GRIK2: variants seen among roughly 807,000 people sequenced by gnomAD.
The protein encoded by GRIK2 is glutamate receptor ionotropic, kainate 2.
In GRIK2, 32 loss-of-function variants were observed where a neutral mutation model predicts 100.3. The observed-to-expected ratio is 0.32, with a 90% confidence interval of 0.24 to 0.43. The LOEUF (loss-of-function observed/expected upper bound fraction) is 0.43, where lower values mean the gene tolerates loss of function less well. Ranked by LOEUF, GRIK2 falls within the 20% of genes least tolerant of loss-of-function variation. The pLI, the probability that GRIK2 is intolerant of heterozygous loss-of-function variation, is 1.00. For synonymous variants in GRIK2, 417 were observed against 389.4 expected (o/e 1.07, Z -0.83); for missense variants, 843 against 1,114.9 (o/e 0.76, Z 3.47).
At chr6:101,572,096 T>G (rs892411327) in intron 2 of GRIK2, among the ~76,000 whole-genome samples, 20 of 152,118 alleles carry the variant, frequency 1.3e-4, no homozygotes, top group Non-Finnish European at 2.5e-4. Flanking sequence ...TGTATCTTTT[T>G]TAATGATTTT....
intron 2 of GRIK2, among the ~76,000 whole-genome samples, chr6:101,592,260 A>C (rs1778684855): frequency 6.6e-6 from 1 of 151,910 alleles, no homozygotes; most frequent in Admixed American, 6.6e-5. Context: ...TGGAAAGCAG[A>C]CTATGAAGTG....
chr6:101,942,576 G>A (rs1441631331), intron 14 of GRIK2, among the ~76,000 whole-genome samples: 1 of 152,200 alleles, frequency 6.6e-6, no homozygotes, highest in Admixed American at 6.5e-5. Context: ...TTGGGAACTG[G>A]AGTACAGGTC....
At chr6:101,632,952 G>A (rs1259430202) in intron 4 of GRIK2, among the ~76,000 whole-genome samples, 1 of 152,118 alleles carries the variant, frequency 6.6e-6, no homozygotes, top group South Asian at 2.1e-4. Context: ...GTAAAATGCT[G>A]CAACTGGAGA....
At chr6:101,667,052 C>G (rs1042889792) in intron 4 of GRIK2, among the ~76,000 whole-genome samples, 6 of 152,082 alleles carry the variant, frequency 3.9e-5, no homozygotes. Context: ...TATATTTGTT[C>G]AGGAGAGAGT....
chr6:101,986,348 G>A (rs1794014805), intron 14 of GRIK2, among the ~76,000 whole-genome samples: 1 of 151,812 alleles, frequency 6.6e-6, no homozygotes, highest in South Asian at 2.1e-4. Context: ...ATGTGAGAGA[G>A]TTATACTTCA....
intron 14 of GRIK2, among the ~76,000 whole-genome samples, chr6:102,025,837 A>G (rs1769666935): frequency 6.6e-6 from 1 of 151,032 alleles, no homozygotes; most frequent in South Asian, 2.1e-4. Context: ...TTAGAATGAT[A>G]GATCAAATGA....
intron 14 of GRIK2, among the ~76,000 whole-genome samples, chr6:102,026,811 T>G (rs901349858): frequency 1.3e-5 from 2 of 151,286 alleles, no homozygotes; most frequent in African/African-American, 4.8e-5. Flanking sequence ...ACTGCCAGAA[T>G]TATCCCAAGG....
At chr6:101,776,814 A>G (rs778760232) in intron 7 of GRIK2, among the ~76,000 whole-genome samples, 19 of 152,040 alleles carry the variant, frequency 1.2e-4, no homozygotes, top group Non-Finnish European at 2.2e-4. Context: ...TTATATGTTA[A>G]TTTCCTCCAT....
intron 7 of GRIK2, among the ~76,000 whole-genome samples, chr6:101,698,589 T>A (rs1772661802): frequency 6.6e-6 from 1 of 152,062 alleles, no homozygotes; most frequent in African/African-American, 2.4e-5. Context: ...ACCAAATCGA[T>A]CCTTCATAAA....
At chr6:101,568,285 A>G (rs1777376721) in intron 2 of GRIK2, among the ~76,000 whole-genome samples, 1 of 152,030 alleles carries the variant, frequency 6.6e-6, no homozygotes, top group East Asian at 1.9e-4. Context: ...ACTAATGCCA[A>G]GGTAACCTAA....
At chr6:101,867,837 C>T (rs9498730) in intron 11 of GRIK2, among the ~76,000 whole-genome samples, 61 of 151,304 alleles carry the variant, frequency 4.0e-4, no homozygotes, top group African/African-American at 9.9e-4. Flanking sequence ...TCCCTAATAA[C>T]AATCTTCTGC....
At chr6:101,627,646 CAT>C (rs1223947064) in intron 4 of GRIK2, among the ~76,000 whole-genome samples, 1 of 152,004 alleles carries the variant, frequency 6.6e-6, no homozygotes, top group Non-Finnish European at 1.5e-5. Context: ...AGTTTTTACT[CAT>C]ATGTGGAACA....
At chr6:102,032,313 A>G (rs1357805587) in intron 14 of GRIK2, among the ~76,000 whole-genome samples, 1 of 151,204 alleles carries the variant, frequency 6.6e-6, no homozygotes, top group Non-Finnish European at 1.5e-5. Flanking sequence ...AAAGATTTAC[A>G]TTTAAAAGGG....
intron 2 of GRIK2, among the ~76,000 whole-genome samples, chr6:101,409,015 T>C (rs893704305): frequency 2.0e-5 from 3 of 152,074 alleles, no homozygotes; most frequent in African/African-American, 7.2e-5. Context: ...AAGTACTATA[T>C]ACATCTTTGA....
At chr6:101,631,646 A>T (rs1250990499) in intron 4 of GRIK2, among the ~76,000 whole-genome samples, 1 of 152,110 alleles carries the variant, frequency 6.6e-6, no homozygotes, top group Admixed American at 6.6e-5. Flanking sequence ...AAACATGAAC[A>T]TCTTCCTTGA....
chr6:101,821,805 A>AT (rs1291745258), intron 10 of GRIK2, among the ~76,000 whole-genome samples: 2 of 152,052 alleles, frequency 1.3e-5, no homozygotes, highest in Admixed American at 6.6e-5. Flanking sequence ...AGAAATTATG[A>AT]TTTTTTGATT....
chr6:101,976,158 A>C (rs1266969065), intron 14 of GRIK2, among the ~76,000 whole-genome samples: 1 of 151,964 alleles, frequency 6.6e-6, no homozygotes, highest in East Asian at 1.9e-4. Context: ...ATCTACAGTG[A>C]GAAATTGGAG....
In GRIK2 at chr6:102,069,603, A is replaced by G. The variant is rs1772172006; in HGVS notation, c.*1092A>G. 1 of 151,950 alleles carries G rather than the reference A, an allele frequency of 6.6e-6. No individual in the cohort carries two copies. Among genetic ancestry groups the G allele is most frequent in the Admixed American group, 6.6e-5 (1 of 15,182 alleles). The allele number at this position is 151,950 out of a possible 1,614,324, so 9.4% of individuals were successfully genotyped here. The stretch of plus-strand genomic sequence containing the variant: ...GACTGCGTTTATCAATACAGTCACA[A>G]TGTTAAATGAACAAAATTCTTGAAC... On this transcript the variant is annotated 3_prime_UTR_variant, in exon 17 of 17. Coordinates refer to ENST00000369134, the MANE Select transcript of GRIK2 (RefSeq NM_021956.5).
chr6:101,694,485 ATAAT>A lies in GRIK2; in HGVS notation c.951+8136_951+8139del, dbSNP rs144215773. ...TCTACATTTAACATAGAAAATCAAA[ATAAT>A]TAAAAAGCATCAAATACTGGTTGAA... On this transcript the variant is annotated intron_variant, in intron 7 of 16. Coordinates refer to ENST00000369134, the MANE Select transcript of GRIK2 (RefSeq NM_021956.5). Among the ~76,000 whole-genome samples the A allele has an allele frequency of 5.6e-3, 848 of 152,250 alleles. 4 individuals are homozygous for A. The highest frequency in any genetic ancestry group is 0.018 in the African/African-American group (765 of 41,540).
Sources: allele counts gnomAD v4.1 joint callset (sites outside exome capture counted in the v4.1 genomes callset), GRCh38; gene constraint gnomAD v4.1.1; transcripts MANE v1.5; gene names NCBI Gene and HGNC (gene_info 2026-07-23, HGNC 2026-07-21).